Variants in PSMD12 observed in about 807,000 individuals in gnomAD.
The protein encoded by PSMD12 is 26S proteasome non-ATPase regulatory subunit 12.
Under a neutral mutation model 62.9 loss-of-function variants are expected in PSMD12, and 8 were observed. That is an observed-to-expected ratio of 0.13 (90% confidence interval 0.07 to 0.23). The LOEUF (loss-of-function observed/expected upper bound fraction) is 0.23, where lower values mean the gene tolerates loss of function less well. Ranked by LOEUF, PSMD12 falls within the 10% of genes least tolerant of loss-of-function variation. PSMD12 has a pLI of 1.00. For missense variants in PSMD12, 424 were observed against 550.2 expected, an observed-to-expected ratio of 0.77 and a Z score of 2.29; for synonymous variants, 173 against 187.4, an observed-to-expected ratio of 0.92 and a Z score of 0.63.
At chr17:67,366,274 A>T in intron 1 of PSMD12, 138 bp downstream of exon 1, 2 of 808,610 alleles carry the variant, frequency 2.5e-6, no homozygotes, top group Non-Finnish European at 3.8e-6. Flanking sequence ...GGGGTCTCCC[A>T]CTCGTGCAGG....
chr17:67,365,285 T>G (rs916170169), intron 1 of PSMD12, among the ~76,000 whole-genome samples: 1 of 152,158 alleles, frequency 6.6e-6, no homozygotes, highest in Non-Finnish European at 1.5e-5. Context: ...AGAATCGGTC[T>G]GCCTGGGTTT....
chr17:67,359,608 T>C (rs1296267747), intron 1 of PSMD12, among the ~76,000 whole-genome samples: 1 of 152,226 alleles, frequency 6.6e-6, no homozygotes, highest in African/African-American at 2.4e-5. Context: ...TTTAAAATAC[T>C]GCTGCCATAT....
chr17:67,354,005 G>A (rs536388964), intron 3 of PSMD12, among the ~76,000 whole-genome samples: 24 of 141,924 alleles, frequency 1.7e-4, no homozygotes, highest in African/African-American at 5.8e-4. Context: ...GATTACTTGT[G>A]ACTTACATAC....
intron 7 of PSMD12, 41 bp from the exon 8 acceptor site, chr17:67,345,898 T>C: frequency 2.6e-6 from 4 of 1,514,724 alleles, no homozygotes; most frequent in Non-Finnish European, 2.7e-6. Context: ...AGACTGGACA[T>C]AATGGAAACT....
rs1160580234 is a variant in PSMD12 at position 67,357,537 on chromosome 17, C to T, written c.150G>A (p.Leu50=). 2 of 1,613,790 alleles carry T rather than the reference C, an allele frequency of 1.2e-6. No homozygotes were observed. The highest frequency in any genetic ancestry group is 1.7e-5 in the Admixed American group (1 of 60,012). Residue 50 remains leucine, a synonymous_variant, in exon 2 of 11, where the codon CTG becomes CTA. Transcript: ENST00000356126. ...TACTCACAGTACGAGTCTGCTTTTC[C>T]AGAGAGAGAAGGGTTTCAATGACTT... ...LQEVIETLLS[L]EKQTRTASDM... is the part of the protein sequence containing the mutation.
intron 7 of PSMD12, among the ~76,000 whole-genome samples, chr17:67,346,189 T>C (rs2041963939): frequency 6.6e-6 from 1 of 152,024 alleles, no homozygotes; most frequent in Non-Finnish European, 1.5e-5. Flanking sequence ...GGTCAGGAGA[T>C]CGAGACCATC....
intron 3 of PSMD12, among the ~76,000 whole-genome samples, chr17:67,350,616 G>A (rs1485611566): frequency 6.6e-6 from 1 of 152,180 alleles, no homozygotes; most frequent in African/African-American, 2.4e-5. Flanking sequence ...AGAAAGCAGA[G>A]GTCCACAGCG....
chr17:67,341,624 T>C (rs558563683), intron 10 of PSMD12, among the ~76,000 whole-genome samples: 2 of 152,326 alleles, frequency 1.3e-5, no homozygotes, highest in African/African-American at 4.8e-5. Flanking sequence ...ATACTGCTGG[T>C]ATCCATGCCA....
At chr17:67,349,905 T>C (rs1246592842) in intron 4 of PSMD12, among the ~76,000 whole-genome samples, 1 of 152,206 alleles carries the variant, frequency 6.6e-6, no homozygotes, top group Non-Finnish European at 1.5e-5. Flanking sequence ...TGAATATTAT[T>C]TCCTCTATGT....
At chr17:67,358,138 G>A (rs948840992) in intron 1 of PSMD12, among the ~76,000 whole-genome samples, 1 of 152,040 alleles carries the variant, frequency 6.6e-6, no homozygotes, top group Admixed American at 6.6e-5. Flanking sequence ...GGCCAGGCTG[G>A]TCTTGAACTC....
At chr17:67,364,344 T>C (rs1567963037) in intron 1 of PSMD12, among the ~76,000 whole-genome samples, 1 of 152,220 alleles carries the variant, frequency 6.6e-6, no homozygotes, top group East Asian at 1.9e-4. Context: ...GTATTGGAGT[T>C]TGCAAGTTTT....
chr17:67,345,666 T>C (rs1367412234), intron 8 of PSMD12, 79 bp downstream of exon 8: 1 of 1,162,442 alleles, frequency 8.6e-7, no homozygotes, highest in Non-Finnish European at 1.3e-6. Context: ...TACACAGAAG[T>C]ATACACTTAG....
intron 9 of PSMD12, among the ~76,000 whole-genome samples, chr17:67,343,742 C>CA (rs2041937579): frequency 6.6e-6 from 1 of 152,118 alleles, no homozygotes; most frequent in Non-Finnish European, 1.5e-5. Flanking sequence ...CTTGCTCTGT[C>CA]ACCCAGGCTG....
At chr17:67,356,726 T>TG (rs927598552) in intron 3 of PSMD12, among the ~76,000 whole-genome samples, 1 of 151,864 alleles carries the variant, frequency 6.6e-6, no homozygotes, top group African/African-American at 2.4e-5. Context: ...ATAATAAAAG[T>TG]GGGGCTAGGC....
intron 1 of PSMD12, 69 bp from the exon 2 acceptor site, chr17:67,357,647 T>C (rs1241576897): frequency 1.5e-5 from 22 of 1,479,016 alleles, no homozygotes; most frequent in Non-Finnish European, 7.5e-6. Context: ...TAAAATGAAA[T>C]GGTTTTGACA....
intron 3 of PSMD12, 132 bp from the exon 4 acceptor site, chr17:67,350,468 A>G: frequency 1.8e-6 from 1 of 544,314 alleles, no homozygotes; most frequent in South Asian, 3.1e-5. Context: ...GTCATAAAGA[A>G]CATCACATCG....
chr17:67,342,469 G>A (rs2041923945), intron 9 of PSMD12: 1 of 425,952 alleles, frequency 2.3e-6, no homozygotes, highest in Admixed American at 4.1e-5. Context: ...TAGTTATTCT[G>A]AATTACTATG....
Position 67,344,677 on chromosome 17 carries a change from T to C in PSMD12, c.1012A>G (p.Thr338Ala). 8 of 1,613,826 alleles carry C rather than the reference T, an allele frequency of 5.0e-6. No individual in the cohort carries two copies. Among genetic ancestry groups the C allele is most frequent in the South Asian group, 1.1e-5 (1 of 91,056 alleles). The change falls in exon 9 of 11, where the codon ACG becomes GCG. Residue 338 changes from threonine (T) to alanine (A), a missense_variant. By Grantham distance (58) the Thr-to-Ala change is moderately conservative. Coordinates refer to ENST00000356126, the MANE Select transcript of PSMD12 (RefSeq NM_002816.5). ...TCCTCTGTAGAACCAAAAACATCCG[T>C]TGCAGGACTCTCAAGGGAACCTTTT... ...LRKGSLESPA[T>A]DVFGSTEEGE...
chr17:67,350,383 G>A (rs1177436632), intron 3 of PSMD12, 47 bp from the exon 4 acceptor site: 3 of 1,360,236 alleles, frequency 2.2e-6, no homozygotes, highest in African/African-American at 1.5e-5. Context: ...TCCTCACAGA[G>A]CGAAAAAATG....
Sources: gnomAD v4.1 joint callset for allele counts (sites outside exome capture counted in the v4.1 genomes callset) on GRCh38, gnomAD v4.1.1 for gene constraint, MANE v1.5 for transcripts, NCBI Gene and HGNC (gene_info 2026-07-23, HGNC 2026-07-21) for gene names.